The following FRMD3 variants were observed in gnomAD, a reference collection of about 807,000 sequenced individuals.
FRMD3 encodes the protein FERM domain containing 3, also known as FERM domain-containing protein 3.
Under a neutral mutation model 70.2 loss-of-function variants are expected in FRMD3, and 33 were observed. That is an observed-to-expected ratio of 0.47 (90% CI 0.36 to 0.63). The LOEUF (loss-of-function observed/expected upper bound fraction) is 0.63. Ranked by LOEUF, FRMD3 falls within the 20% of genes least tolerant of loss-of-function variation. The probability of loss-of-function intolerance (pLI) is 0.00; values close to 1 mark genes in which losing one functional copy is unlikely to be tolerated. For missense variants in FRMD3, 632 were observed against 711.4 expected, an observed-to-expected ratio of 0.89 and a Z score of 1.27; for synonymous variants, 279 against 255.9, an observed-to-expected ratio of 1.09 and a Z score of -0.86.
intron 4 of FRMD3, among the ~76,000 whole-genome samples, chr9:83,348,248 T>TTC (rs1003672946): frequency 1.3e-5 from 2 of 151,132 alleles, no homozygotes; most frequent in African/African-American, 2.4e-5. Context: ...TCTCTCTCTC[T>TTC]TCTCTCTCTC....
Position 83,244,970 on chromosome 9 carries a change from A to ATGTG in FRMD3, c.*2944_*2947dup, listed in dbSNP as rs530057588. The stretch of plus-strand genomic sequence containing the variant: ...TTGTGTGTGTATATGTATTTGCCAT[A>ATGTG]TGTGTGTGTGTATTATATATATTTA... On this transcript the variant is annotated 3_prime_UTR_variant, in exon 14 of 14. Transcript: ENST00000304195. 1.0e-6 allele frequency: 1 copy of ATGTG among 979,930 alleles called. No homozygotes were observed. Among genetic ancestry groups the ATGTG allele is most frequent in the African/African-American group, 1.8e-5 (1 of 57,098 alleles). 60.7% of individuals were successfully genotyped at this position (979,930 alleles called of 1,614,324 possible). A position where few individuals can be genotyped will look rare whatever the true frequency, so the allele number is the denominator to read the frequency against.
At chr9:83,405,974 C>T (rs547587220) in intron 1 of FRMD3, among the ~76,000 whole-genome samples, 1 of 152,194 alleles carries the variant, frequency 6.6e-6, no homozygotes, top group African/African-American at 2.4e-5. Flanking sequence ...TTTCATTTCA[C>T]ATAGGCAATT....
rs370135582 is a variant in FRMD3, at chr9:83,298,836, A to C, written c.1002-20T>G. ...TTCCCACTGCAAAAGACAGAAACAC[A>C]TGTGTATGCACACATAGTCAGAGAA... On this transcript the variant is annotated intron_variant, in intron 11 of 13. Transcript: ENST00000304195. 5 of 1,608,882 alleles carry C rather than the reference A, an allele frequency of 3.1e-6. No individual in the cohort carries two copies. Among genetic ancestry groups the C allele is most frequent in the Non-Finnish European group, 4.3e-6 (5 of 1,175,198 alleles).
the FRMD3 span, among the ~76,000 whole-genome samples, chr9:83,566,774 G>A: frequency 6.6e-6 from 1 of 152,204 alleles, no homozygotes; most frequent in Non-Finnish European, 1.5e-5. Flanking sequence ...TCACACTGAT[G>A]CAAGAAGTGG....
chr9:83,400,411 G>T (rs1587816972), intron 1 of FRMD3, among the ~76,000 whole-genome samples: 3 of 152,082 alleles, frequency 2.0e-5, no homozygotes, highest in African/African-American at 7.2e-5. Context: ...TAAATAAATG[G>T]ATATTCTAGT....
chr9:83,350,841 C>T, intron 3 of FRMD3: 1 of 625,914 alleles, frequency 1.6e-6, no homozygotes, highest in Non-Finnish European at 2.0e-6. Context: ...CCAAGATCTT[C>T]CATTATAAGA....
At chr9:83,518,545 G>A (rs935936388) in intron 1 of FRMD3, among the ~76,000 whole-genome samples, 1 of 152,120 alleles carries the variant, frequency 6.6e-6, no homozygotes, top group South Asian at 2.1e-4. Flanking sequence ...AATCAATATT[G>A]TAAAAATGGC....
intron 13 of FRMD3, among the ~76,000 whole-genome samples, chr9:83,274,896 T>C (rs1833744939): frequency 2.6e-5 from 4 of 152,184 alleles, no homozygotes; most frequent in African/African-American, 9.6e-5. Flanking sequence ...TCTTCTGAGA[T>C]AGAATTCATA....
intron 1 of FRMD3, among the ~76,000 whole-genome samples, chr9:83,530,547 A>C (rs1829772958): frequency 6.6e-6 from 1 of 152,170 alleles, no homozygotes; most frequent in Non-Finnish European, 1.5e-5. Context: ...GATGATGAAA[A>C]TATTCTAAAA....
At chr9:83,450,307 G>C (rs1218997349) in intron 1 of FRMD3, among the ~76,000 whole-genome samples, 1 of 148,192 alleles carries the variant, frequency 6.7e-6, no homozygotes, top group Non-Finnish European at 1.5e-5. Context: ...GATATATTGT[G>C]ACAGCCACTA....
In FRMD3 at chr9:83,452,473, G is replaced by GTT. The variant is rs55688520; in HGVS notation, c.148-62767_148-62766dup. Among the ~76,000 whole-genome samples, 233 of 151,858 alleles carry GTT rather than the reference G, an allele frequency of 1.5e-3. 1 individual carries two copies. The highest frequency in any genetic ancestry group is 3.4e-3 in the Middle Eastern group (1 of 294). On this transcript the variant is annotated intron_variant, in intron 1 of 13. Transcript: ENST00000304195. The stretch of plus-strand genomic sequence containing the variant: ...CCCCGTATGAACTAATGCTTGAGTT[G>GTT]TTTTTTTTGTTGTTGTTGTTTTTTT...
intron 1 of FRMD3, among the ~76,000 whole-genome samples, chr9:83,411,500 CT>C (rs1826276992): frequency 6.6e-6 from 1 of 152,184 alleles, no homozygotes; most frequent in South Asian, 2.1e-4. Context: ...CTACCCATCC[CT>C]TGGGGGAAGA....
At chr9:83,504,776 A>T (rs1829146446) in intron 1 of FRMD3, among the ~76,000 whole-genome samples, 1 of 152,158 alleles carries the variant, frequency 6.6e-6, no homozygotes, top group Non-Finnish European at 1.5e-5. Flanking sequence ...TTTTATTTGT[A>T]TGAGTGTTTG....
chr9:83,568,539 C>G, the FRMD3 span, among the ~76,000 whole-genome samples: 3 of 152,038 alleles, frequency 2.0e-5, no homozygotes, highest in Admixed American at 6.6e-5. Flanking sequence ...ATGCCAGGCA[C>G]AGAAAGACAA....
Position 83,389,637 on chromosome 9 carries a change from A to G in FRMD3, c.219T>C (p.Phe73=), listed in dbSNP as rs34533756. The change falls in exon 2 of 14, where the codon TTT becomes TTC. Residue 73 remains phenylalanine, a synonymous_variant. Coordinates refer to ENST00000304195, the MANE Select transcript of FRMD3 (RefSeq NM_174938.6). The part of the protein sequence containing the change: ...NYYSLLEKDY[F]GIRYVDPEKQ... The stretch of plus-strand genomic sequence containing the variant: ...TCTCTGGGTCCACATAGCGAATGCC[A>G]AAGTAGTCCTTCTCCAGCAGGCTGT... The G allele has an allele frequency of 8.7e-3, 14,003 of 1,613,892 alleles. 85 individuals are homozygous for G. Among genetic ancestry groups the G allele is most frequent in the Non-Finnish European group, 0.01 (12,358 of 1,179,826 alleles).
chr9:83,443,882 G>C (rs574112035), intron 1 of FRMD3, among the ~76,000 whole-genome samples: 1 of 152,192 alleles, frequency 6.6e-6, no homozygotes, highest in African/African-American at 2.4e-5. Context: ...TGTTTCTTTG[G>C]CAAGCAGGAA....
chr9:83,345,584 C>T (rs1481656896), intron 4 of FRMD3, among the ~76,000 whole-genome samples: 6 of 151,870 alleles, frequency 4.0e-5, no homozygotes, highest in Non-Finnish European at 8.8e-5. Flanking sequence ...GGTGAAACCT[C>T]GTCTCTACTA....
rs571552055 is a variant in FRMD3, at chr9:83,348,324, T to C, written c.374+1355A>G. Among the ~76,000 whole-genome samples the C allele has an allele frequency of 5.3e-5, 8 of 152,224 alleles. No individual in the cohort carries two copies. The South Asian group carries it at 1.2e-3, about 24-fold the overall frequency. ...GTAACAGCAAGTGAGAACAAATTTA[T>C]CAAATAAATAATTAAAATTTTCAAT... On this transcript the variant is annotated intron_variant, in intron 4 of 13. Transcript: ENST00000304195.
intron 3 of FRMD3, among the ~76,000 whole-genome samples, chr9:83,369,578 A>AAAT (rs1275688469): frequency 0.015 from 269 of 18,516 alleles, no homozygotes; most frequent in African/African-American, 0.048. Context: ...CTCTGTCTCA[A>AAAT]AATAAATAAA....
Sources: gnomAD v4.1 joint callset for allele counts (sites outside exome capture counted in the v4.1 genomes callset) on GRCh38, gnomAD v4.1.1 for gene constraint, MANE v1.5 for transcripts, NCBI Gene and HGNC (gene_info 2026-07-23, HGNC 2026-07-21) for gene names.